Variants in RHCG observed in about 807,000 individuals in gnomAD.
RHCG encodes ammonium transporter Rh type C.
In RHCG, 39 loss-of-function variants were observed where a neutral mutation model predicts 55.3. The observed-to-expected ratio is 0.70, with a 90% CI of 0.55 to 0.92. The LOEUF (loss-of-function observed/expected upper bound fraction) is 0.92, where lower values mean the gene tolerates loss of function less well. RHCG is among the 40% of genes least tolerant of loss of function. The pLI is 0.00. For synonymous variants in RHCG, 250 were observed against 246.8 expected (o/e 1.01, Z -0.12); for missense variants, 635 against 627.9 (o/e 1.01, Z -0.12).
Position 89,476,779 on chromosome 15 carries a change from G to C in RHCG, c.1287C>G (p.Cys429Trp). ...CCTCCCAGTAGACCGCATCCTCAAAGCAGTTCTCATCTGAAGGTTGTCCCC... is the reference window on the plus strand; with the variant it reads ...CCTCCCAGTAGACCGCATCCTCAAACCAGTTCTCATCTGAAGGTTGTCCCC... ...PFWGQPSDEN[C>W]FEDAVYWEMP... The change falls in exon 9 of 11, where the codon TGC (cysteine) becomes TGG (tryptophan). Residue 429 changes from cysteine to tryptophan, a missense_variant. Physicochemically the swap from Cys to Trp is radical, Grantham distance 215. Transcript: ENST00000268122. 1 of 1,614,140 alleles carries C rather than the reference G, an allele frequency of 6.2e-7. No individual in the cohort carries two copies. Among genetic ancestry groups the C allele is most frequent in the Non-Finnish European group, 8.5e-7 (1 of 1,180,004 alleles).
intron 1 of RHCG, among the ~76,000 whole-genome samples, chr15:89,490,451 G>T (rs1961453491): frequency 6.6e-6 from 1 of 152,206 alleles, no homozygotes; most frequent in Admixed American, 6.5e-5. Context: ...CTCAGCTTAG[G>T]TTTCTCAATG....
intron 9 of RHCG, among the ~76,000 whole-genome samples, chr15:89,474,082 T>A (rs1433392392): frequency 6.6e-6 from 1 of 152,198 alleles, no homozygotes; most frequent in African/African-American, 2.4e-5. Flanking sequence ...ATTCTTATGA[T>A]AGAGTGGTAA....
chr15:89,495,181 C>T lies in RHCG; in HGVS notation c.184+1180G>A, dbSNP rs141970080. 9.6e-4 allele frequency among the ~76,000 whole-genome samples: 146 copies of T among 152,302 alleles called. No individual in the cohort carries two copies. In the East Asian group the frequency reaches 0.013, roughly 14 times the overall value. On this transcript the variant is annotated intron_variant, in intron 1 of 10. Transcript: ENST00000268122. Reference sequence around the variant, plus strand: ...GCACCAAGTAACTATTAAATGCAGCCCATGATAGCCCTAACTTTTTGGCAG... The same window carrying T: ...GCACCAAGTAACTATTAAATGCAGCTCATGATAGCCCTAACTTTTTGGCAG...
At chr15:89,494,981 A>T (rs1293904623) in intron 1 of RHCG, among the ~76,000 whole-genome samples, 2 of 152,150 alleles carry the variant, frequency 1.3e-5, no homozygotes, top group Non-Finnish European at 2.9e-5. Context: ...TTTGCTGGAA[A>T]GTCCCCCCCT....
chr15:89,476,272 G>T (rs751581546), intron 9 of RHCG, among the ~76,000 whole-genome samples: 2 of 152,118 alleles, frequency 1.3e-5, no homozygotes, highest in Non-Finnish European at 2.9e-5. Flanking sequence ...GTCTCCCTAT[G>T]TTGCCCAGGC....
chr15:89,496,150 T>A (rs1158014811), intron 1 of RHCG, among the ~76,000 whole-genome samples: 2 of 152,162 alleles, frequency 1.3e-5, no homozygotes, highest in Non-Finnish European at 1.5e-5. Flanking sequence ...AAAAACCTCA[T>A]CCCGGTGTTT....
Position 89,486,838 on chromosome 15 carries a change from T to C in RHCG, c.332A>G (p.His111Arg), listed in dbSNP as rs142667714. The change falls in exon 2 of 11, where the codon CAC (histidine) becomes CGC (arginine). Residue 111 changes from histidine to arginine, a missense_variant. Transcript: ENST00000268122. ...GACGATGTAGCGGTCTTGTAAGAAG[T>C]GGAACCAGCCCTGCATGAGCAGCGC... is the stretch of plus-strand genomic sequence containing the variant. The part of the protein sequence containing the change: ...QWALLMQGWF[H>R]FLQDRYIVVG... 1.6e-3 allele frequency: 2,535 copies of C among 1,605,816 alleles called. No individual in the cohort carries two copies. Among genetic ancestry groups the C allele is most frequent in the Non-Finnish European group, 1.7e-3 (2,015 of 1,173,944 alleles).
chr15:89,476,979 T>C (rs944989105), intron 8 of RHCG, 103 bp downstream of exon 8: 5 of 1,570,330 alleles, frequency 3.2e-6, no homozygotes, highest in South Asian at 2.3e-5. Context: ...AGATCAGGGA[T>C]TCCTGGGGGC....
chr15:89,480,622 A>T (rs1470343469), intron 3 of RHCG, among the ~76,000 whole-genome samples: 3 of 152,246 alleles, frequency 2.0e-5, no homozygotes, highest in Non-Finnish European at 4.4e-5. Flanking sequence ...GTCCTCACCC[A>T]GCAGATTTGG....
chr15:89,491,002 C>T (rs1052310088), intron 1 of RHCG, among the ~76,000 whole-genome samples: 2 of 152,038 alleles, frequency 1.3e-5, no homozygotes, highest in African/African-American at 4.8e-5. Context: ...GGGAGGAGCC[C>T]CTGGGGGAAG....
chr15:89,483,721 TA>T (rs1961310002), intron 2 of RHCG, among the ~76,000 whole-genome samples: 1 of 152,100 alleles, frequency 6.6e-6, no homozygotes, highest in Non-Finnish European at 1.5e-5. Flanking sequence ...ATCTTTCCTT[TA>T]CCTTACCCAT....
chr15:89,490,759 G>A (rs942641580), intron 1 of RHCG, among the ~76,000 whole-genome samples: 10 of 151,580 alleles, frequency 6.6e-5, no homozygotes, highest in African/African-American at 2.4e-4. Flanking sequence ...GTCTGGCCTG[G>A]CCGTGGTGAA....
chr15:89,479,855 T>G (rs900657543), intron 4 of RHCG: 15 of 374,786 alleles, frequency 4.0e-5, no homozygotes, highest in Middle Eastern at 1.6e-3. Flanking sequence ...GGGCTGGGTT[T>G]TGAGAGACCA....
Position 89,491,466 on chromosome 15 carries a change from C to T in RHCG, c.185-4481G>A, listed in dbSNP as rs559828109. 2.0e-5 allele frequency among the ~76,000 whole-genome samples: 3 copies of T among 152,288 alleles called. No individual in the cohort carries two copies. In the South Asian group the frequency reaches 6.2e-4, roughly 32 times the overall value. ...AATTTCTGTTTCATAAAGTATGATG[C>T]TACCTAAAATGATTTTTAGGCTGGG... is the stretch of plus-strand genomic sequence containing the variant. On this transcript the variant is annotated intron_variant, in intron 1 of 10. Coordinates refer to ENST00000268122, the MANE Select transcript of RHCG (RefSeq NM_016321.3).
At chr15:89,475,967 T>G (rs1000104218) in intron 9 of RHCG, among the ~76,000 whole-genome samples, 1 of 152,124 alleles carries the variant, frequency 6.6e-6, no homozygotes, top group Non-Finnish European at 1.5e-5. Flanking sequence ...TCAGGATGTC[T>G]GAGGAACTTA....
intron 1 of RHCG, among the ~76,000 whole-genome samples, chr15:89,495,848 C>T (rs1961555613): frequency 6.6e-6 from 1 of 152,236 alleles, no homozygotes; most frequent in Non-Finnish European, 1.5e-5. Context: ...ATTGTAGGGT[C>T]ATGCTCTTAA....
intron 1 of RHCG, among the ~76,000 whole-genome samples, chr15:89,495,719 C>G (rs772681729): frequency 9.9e-5 from 15 of 152,206 alleles, no homozygotes; most frequent in Non-Finnish European, 1.9e-4. Flanking sequence ...GGAGGTCCTA[C>G]CATTATCTTC....
chr15:89,482,869 G>A (rs192290708), intron 3 of RHCG, among the ~76,000 whole-genome samples, 198 bp downstream of exon 3: 4 of 152,220 alleles, frequency 2.6e-5, no homozygotes, highest in Non-Finnish European at 4.4e-5. Context: ...CCACGTGCTG[G>A]ATTGATGGGC....
chr15:89,487,336 C>A (rs760471889), intron 1 of RHCG, among the ~76,000 whole-genome samples: 1 of 152,170 alleles, frequency 6.6e-6, no homozygotes, highest in East Asian at 1.9e-4. Flanking sequence ...CTCCTTGGTT[C>A]TACCCTCCTC....
Sources: allele counts gnomAD v4.1 joint callset (sites outside exome capture counted in the v4.1 genomes callset), GRCh38; gene constraint gnomAD v4.1.1; transcripts MANE v1.5; gene names NCBI Gene and HGNC (gene_info 2026-07-23, HGNC 2026-07-21).